RAP1GDS1: variants seen among roughly 807,000 people sequenced by gnomAD.
The protein encoded by RAP1GDS1 is Rap1 GTPase-GDP dissociation stimulator 1, also known as RAP1, GTP-GDP dissociation stimulator 1.
A neutral mutation model predicts 71.1 loss-of-function variants in RAP1GDS1; 35 were observed. The ratio of observed to expected loss-of-function variants is 0.49; its 90% CI spans 0.38 to 0.65. RAP1GDS1 has a LOEUF of 0.65. Ranked by LOEUF, RAP1GDS1 falls within the 30% of genes least tolerant of loss-of-function variation. The probability of loss-of-function intolerance (pLI) is 0.00; values close to 1 mark genes in which losing one functional copy is unlikely to be tolerated. For missense variants in RAP1GDS1, 663 were observed against 706.1 expected, an observed-to-expected ratio of 0.94 and a Z score of 0.69; for synonymous variants, 229 against 243.1, an observed-to-expected ratio of 0.94 and a Z score of 0.54.
chr4:98,436,966 G>T lies in RAP1GDS1; in HGVS notation c.1594G>T (p.Ala532Ser). 6.2e-7 allele frequency: 1 copy of T among 1,609,272 alleles called. No homozygotes were observed. The highest frequency in any genetic ancestry group is 8.5e-7 in the Non-Finnish European group (1 of 1,178,786). The stretch of plus-strand genomic sequence containing the variant: ...CACTGCTGAGAAAGATCTAGAAAGT[G>T]CTAAACTTGTACAGATTTTACATAG... Reference protein sequence around the residue: ...LGTAEKDLESAKLVQILHRLL... With the variant: ...LGTAEKDLESSKLVQILHRLL... Residue 532 changes from alanine to serine, a missense_variant, in exon 14 of 15, where the codon GCT becomes TCT. Physicochemically the swap from Ala to Ser is moderately conservative, Grantham distance 99. Transcript: ENST00000408927.
intron 14 of RAP1GDS1, among the ~76,000 whole-genome samples, 180 bp downstream of exon 14, chr4:98,437,248 T>C (rs748328351): frequency 1.1e-4 from 17 of 152,224 alleles, no homozygotes; most frequent in Non-Finnish European, 1.8e-4. Flanking sequence ...GGTGATGACA[T>C]TGAAAATCTT....
intron 5 of RAP1GDS1, among the ~76,000 whole-genome samples, chr4:98,388,052 A>G (rs977396449): frequency 1.3e-5 from 2 of 152,218 alleles, no homozygotes; most frequent in East Asian, 1.9e-4. Flanking sequence ...TCTTTGGGCA[A>G]TAAAAAAGAT....
chr4:98,403,191 TA>T (rs1301521750), intron 6 of RAP1GDS1, among the ~76,000 whole-genome samples: 1 of 152,102 alleles, frequency 6.6e-6, no homozygotes, highest in African/African-American at 2.4e-5. Context: ...GAGATAATGA[TA>T]AAGATAACCC....
chr4:98,274,198 T>C (rs1723881836), intron 1 of RAP1GDS1, among the ~76,000 whole-genome samples: 1 of 152,154 alleles, frequency 6.6e-6, no homozygotes, highest in East Asian at 1.9e-4. Flanking sequence ...TCCAAAGCTA[T>C]AGTAGTGGTT....
intron 1 of RAP1GDS1, among the ~76,000 whole-genome samples, chr4:98,272,828 G>A (rs944782025): frequency 5.9e-5 from 9 of 152,064 alleles, no homozygotes; most frequent in East Asian, 1.9e-4. Flanking sequence ...CTTGTTGCAC[G>A]TCACAATCTG....
At chr4:98,287,030 TAATC>T (rs746262271) in intron 1 of RAP1GDS1, among the ~76,000 whole-genome samples, 10 of 152,214 alleles carry the variant, frequency 6.6e-5, no homozygotes, top group South Asian at 4.1e-4. Context: ...AAATATTTCT[TAATC>T]AAGACAGTTT....
chr4:98,299,541 T>C (rs1728267581), intron 2 of RAP1GDS1, among the ~76,000 whole-genome samples: 1 of 152,090 alleles, frequency 6.6e-6, no homozygotes, highest in African/African-American at 2.4e-5. Flanking sequence ...CACTTCAAGA[T>C]GTGACCGAAT....
chr4:98,326,603 CATTT>C (rs1733132282), intron 2 of RAP1GDS1, among the ~76,000 whole-genome samples: 2 of 152,064 alleles, frequency 1.3e-5, no homozygotes, highest in South Asian at 4.2e-4. Context: ...TGTGTTTCTA[CATTT>C]ATTTATTTTT....
intron 2 of RAP1GDS1, chr4:98,296,883 TA>T: frequency 5.2e-6 from 2 of 384,832 alleles, no homozygotes; most frequent in South Asian, 1.9e-5. Flanking sequence ...ATTCTATTTG[TA>T]ATAAAAATTC....
intron 2 of RAP1GDS1, among the ~76,000 whole-genome samples, chr4:98,316,020 A>G (rs1052938490): frequency 6.6e-6 from 1 of 152,112 alleles, no homozygotes; most frequent in Non-Finnish European, 1.5e-5. Context: ...TTAAGATTAT[A>G]AATTATGAAT....
At chr4:98,336,178 A>G (rs1365918601) in intron 2 of RAP1GDS1, among the ~76,000 whole-genome samples, 1 of 152,132 alleles carries the variant, frequency 6.6e-6, no homozygotes, top group South Asian at 2.1e-4. Flanking sequence ...CTTATAGGTA[A>G]ATATTCATAT....
intron 3 of RAP1GDS1, among the ~76,000 whole-genome samples, chr4:98,346,735 G>A (rs138635127): frequency 6.6e-6 from 1 of 151,958 alleles, no homozygotes. Context: ...TAGTAGAGAC[G>A]GGGTTTCACC....
intron 6 of RAP1GDS1, among the ~76,000 whole-genome samples, chr4:98,401,669 G>A (rs975690245): frequency 8.5e-5 from 13 of 152,214 alleles, no homozygotes; most frequent in African/African-American, 2.9e-4. Context: ...GCCTGTTGAG[G>A]ATCCATGGCA....
At chr4:98,317,816 A>G (rs754690983) in intron 2 of RAP1GDS1, among the ~76,000 whole-genome samples, 2 of 148,466 alleles carry the variant, frequency 1.3e-5, no homozygotes, top group Non-Finnish European at 3.0e-5. Context: ...ATTTGACTAT[A>G]TATATATATA....
intron 4 of RAP1GDS1, among the ~76,000 whole-genome samples, chr4:98,362,962 C>G (rs1326695667): frequency 6.6e-6 from 1 of 152,142 alleles, no homozygotes; most frequent in African/African-American, 2.4e-5. Flanking sequence ...AGCAAGAAGT[C>G]TCTATCCTTG....
chr4:98,297,894 G>T (rs1248286004), intron 2 of RAP1GDS1, among the ~76,000 whole-genome samples: 1 of 152,196 alleles, frequency 6.6e-6, no homozygotes, highest in Non-Finnish European at 1.5e-5. Context: ...CAAAAGCTAG[G>T]CTTCTTGAGC....
intron 2 of RAP1GDS1, among the ~76,000 whole-genome samples, chr4:98,330,979 T>A (rs931880849): frequency 2.3e-4 from 35 of 152,098 alleles, no homozygotes; most frequent in Non-Finnish European, 1.2e-4. Context: ...CGAGCCGAGA[T>A]CACGCCACTG....
chr4:98,302,428 T>A (rs1317219222), intron 2 of RAP1GDS1, among the ~76,000 whole-genome samples: 2 of 152,108 alleles, frequency 1.3e-5, no homozygotes, highest in South Asian at 2.1e-4. Flanking sequence ...AGGAAAGAGA[T>A]GCAAACAGGC....
intron 5 of RAP1GDS1, chr4:98,379,372 A>G (rs1741653081): frequency 4.2e-6 from 2 of 477,432 alleles, no homozygotes; most frequent in Non-Finnish European, 6.9e-6. Flanking sequence ...AAGGGCTGCC[A>G]GTTTTGATCA....
Sources: allele counts gnomAD v4.1 joint callset (sites outside exome capture counted in the v4.1 genomes callset), GRCh38; gene constraint gnomAD v4.1.1; transcripts MANE v1.5; gene names NCBI Gene and HGNC (gene_info 2026-07-23, HGNC 2026-07-21).